PC: variants seen among roughly 807,000 people sequenced by gnomAD.
The protein encoded by PC is pyruvate carboxylase, mitochondrial.
A neutral mutation model predicts 107.8 loss-of-function variants in PC; 46 were observed. The observed-to-expected ratio is 0.43, with a 90% CI of 0.34 to 0.55. The LOEUF is 0.55. PC is among the 20% of genes least tolerant of loss of function. PC has a pLI of 0.04. For synonymous variants in PC, 662 were observed against 684.7 expected (o/e 0.97, Z 0.52); for missense variants, 1,241 against 1,643.1 (o/e 0.76, Z 4.23).
Position 66,858,137 on chromosome 11 carries a change from G to A in PC, c.1369-4754C>T. Reference sequence around the variant, plus strand: ...AGCACCTCATCCTCAGCGGCAACCAGCTGGGCCGCATCGCGCCGGGAGCCT... The same window carrying A: ...AGCACCTCATCCTCAGCGGCAACCAACTGGGCCGCATCGCGCCGGGAGCCT... On this transcript the variant is annotated intron_variant, in intron 12 of 22. Coordinates refer to ENST00000393960, the MANE Select transcript of PC (RefSeq NM_001040716.2). This position sits in a 1 kb window ranked among gnomAD's most constrained non-coding sequence, Gnocchi z 5.9. The A allele has an allele frequency of 6.2e-7, 1 of 1,610,646 alleles. No homozygotes were observed. The highest frequency in any genetic ancestry group is 8.5e-7 in the Non-Finnish European group (1 of 1,178,840).
At position 66,849,761 on chromosome 11, in the gene PC, C is replaced by T. The variant is rs1945359016; in HGVS notation, c.2997G>A (p.Gly999=). The T allele has an allele frequency of 6.2e-7, 1 of 1,614,064 alleles. No individual in the cohort carries two copies. Among genetic ancestry groups the T allele is most frequent in the Admixed American group, 1.7e-5 (1 of 60,016 alleles). Residue 999 remains glycine (G), a synonymous_variant, in exon 21 of 23, where the codon GGG becomes GGA. Transcript: ENST00000393960. ...GCACATCTTCCGGCGTCACCTCCTCCCCATGCCGGTCTACCAGCTCCTTCT... is the reference window on the plus strand; with the variant it reads ...GCACATCTTCCGGCGTCACCTCCTCTCCATGCCGGTCTACCAGCTCCTTCT... ...ALEKELVDRH[G]EEVTPEDVLS...
chr11:66,858,085 G>A lies in PC; in HGVS notation c.1369-4702C>T, dbSNP rs760431814. 3.7e-6 allele frequency: 6 copies of A among 1,609,178 alleles called. No individual in the cohort carries two copies. The African/African-American group carries it at 6.7e-5, about 18-fold the overall frequency. On this transcript the variant is annotated intron_variant, in intron 12 of 22. Coordinates refer to ENST00000393960, the MANE Select transcript of PC (RefSeq NM_001040716.2). The surrounding 1 kb of genome is among the most constrained non-coding windows in gnomAD (Gnocchi z 5.9). ...AACAGGCTGGTGGAGCTGGGCACCG[G>A]GAGCCTCCGGGGCCCCGTCAATCTG...
intron 3 of PC, among the ~76,000 whole-genome samples, chr11:66,939,823 A>AC (rs1949083637): frequency 6.7e-6 from 1 of 149,926 alleles, no homozygotes; most frequent in Non-Finnish European, 1.5e-5. Context: ...AAAAAAAAAA[A>AC]AAACCAAAAA....
intron 3 of PC, among the ~76,000 whole-genome samples, chr11:66,913,556 G>A (rs1318312792): frequency 2.0e-5 from 3 of 151,658 alleles, no homozygotes; most frequent in African/African-American, 7.3e-5. Context: ...CAGATACTCA[G>A]GAGGCTGAGG....
chr11:66,909,261 A>G (rs1077256), intron 3 of PC, among the ~76,000 whole-genome samples: 78,645 of 151,952 alleles, frequency 0.52, 20,677 homozygotes, highest in Non-Finnish European at 0.55. Context: ...GTGTGGGGCC[A>G]GAGCTGGAGG....
chr11:66,930,937 A>T (rs1202581730), intron 3 of PC, among the ~76,000 whole-genome samples: 2 of 152,114 alleles, frequency 1.3e-5, no homozygotes, highest in East Asian at 3.8e-4. Flanking sequence ...CGAATCACAA[A>T]TGTAATGCTG....
chr11:66,888,972 G>A (rs764330242), intron 3 of PC, among the ~76,000 whole-genome samples: 6 of 152,160 alleles, frequency 3.9e-5, no homozygotes, highest in Non-Finnish European at 5.9e-5. Context: ...TACTCAGGAC[G>A]CTGAGGCAGG....
intron 12 of PC, chr11:66,859,855 G>A (rs781702331): frequency 4.5e-6 from 7 of 1,564,332 alleles, no homozygotes; most frequent in Non-Finnish European, 6.1e-6. Flanking sequence ...GTGGCCGTGG[G>A]GGGTGTGCTG....
Position 66,863,779 on chromosome 11 carries a change from C to A in PC, c.1363G>T (p.Val455Leu). 6.2e-7 allele frequency: 1 copy of A among 1,609,422 alleles called. No individual in the cohort carries two copies. The change falls in exon 12 of 23, where the codon GTG (valine) becomes TTG (leucine). Residue 455 changes from valine to leucine, a missense_variant. Val to Leu is a conservative substitution (Grantham distance 32, BLOSUM62 1). Around this residue, in one of 2 missense-constraint regions of PC, gnomAD observed 1,143 missense variants for 1,551.9 expected, o/e 0.74. Coordinates refer to ENST00000393960, the MANE Select transcript of PC (RefSeq NM_001040716.2). The part of the protein sequence containing the change: ...RALAEFRVRG[V>L]KTNIAFLQNV... ...CGGGGGCTGCAGCCTCTCACCTTCA[C>A]ACCTCGGACGCGGAACTCCGCAAGG...
chr11:66,930,900 G>A (rs1466327403), intron 3 of PC, among the ~76,000 whole-genome samples: 1 of 152,078 alleles, frequency 6.6e-6, no homozygotes, highest in Non-Finnish European at 1.5e-5. Flanking sequence ...CAGTGAACAT[G>A]AACAGAGCCA....
At position 66,872,023 on chromosome 11, in the gene PC, CCT is replaced by C. The variant is rs1407086292; in HGVS notation, c.135_136del (p.Gly46Ter). ...CTCTCACCGGCCCCACTGGTGCTCA[CCT>C]CTGTTGGCCACCATGACTTTCTTGA... On this transcript the variant is annotated frameshift_variant and splice_region_variant, in exon 4 of 23. Coordinates refer to ENST00000393960, the MANE Select transcript of PC (RefSeq NM_001040716.2). LOFTEE classifies it high-confidence loss of function. The C allele has an allele frequency of 6.4e-7, 1 of 1,559,270 alleles. No individual in the cohort carries two copies. The highest frequency in any genetic ancestry group is 8.7e-7 in the Non-Finnish European group (1 of 1,151,466).
rs1190981880 is a variant in PC, at chr11:66,866,925, C to G, written c.1023-576G>C. On this transcript the variant is annotated intron_variant, in intron 10 of 22. Coordinates refer to ENST00000393960, the MANE Select transcript of PC (RefSeq NM_001040716.2). The surrounding 1 kb of genome is among the most constrained non-coding windows in gnomAD (Gnocchi z 5.4). ...CAGTGGGTGCTGGGTCAGGACCTGT[C>G]CTTCTGAGGCCTGTTTTCCTGCTGG... is the stretch of plus-strand genomic sequence containing the variant. Among the ~76,000 whole-genome samples, 1 of 152,140 alleles carries G rather than the reference C, an allele frequency of 6.6e-6. No individual in the cohort carries two copies. Among genetic ancestry groups the G allele is most frequent in the Non-Finnish European group, 1.5e-5 (1 of 68,018 alleles).
Position 66,866,040 on chromosome 11 carries a change from C to A in PC, c.1185+147G>T. 1 of 896,938 alleles carries A rather than the reference C, an allele frequency of 1.1e-6. No homozygotes were observed. Among genetic ancestry groups the A allele is most frequent in the Non-Finnish European group, 1.7e-6 (1 of 593,032 alleles). 55.6% of individuals were successfully genotyped at this position (896,938 alleles called of 1,614,324 possible). ...CGCCCCTCCTCTGGGCACTGCCTGCCTCCGTGTACTCTATGTCCACTTCAG... is the reference window on the plus strand; with the variant it reads ...CGCCCCTCCTCTGGGCACTGCCTGCATCCGTGTACTCTATGTCCACTTCAG... On this transcript the variant is annotated intron_variant, in intron 11 of 22. Transcript: ENST00000393960. This position sits in a 1 kb window ranked among gnomAD's most constrained non-coding sequence, Gnocchi z 5.4.
chr11:66,904,652 C>CA (rs1230234189), intron 3 of PC, among the ~76,000 whole-genome samples: 3 of 152,158 alleles, frequency 2.0e-5, no homozygotes, highest in African/African-American at 7.2e-5. Flanking sequence ...CACACACACA[C>CA]ACAAAAAGAC....
intron 3 of PC, among the ~76,000 whole-genome samples, chr11:66,945,432 G>A (rs76280286): frequency 2.1e-5 from 2 of 93,472 alleles, no homozygotes; most frequent in South Asian, 3.3e-4. Flanking sequence ...GGGGCGGGTC[G>A]GAACTGCAGA....
intron 12 of PC, chr11:66,856,895 G>T (rs1419515243): frequency 6.8e-6 from 1 of 147,696 alleles, no homozygotes; most frequent in African/African-American, 2.4e-5. Context: ...CCGGGGGACA[G>T]CGCGGAGGGC....
intron 12 of PC, among the ~76,000 whole-genome samples, chr11:66,856,082 A>G (rs1183515516): frequency 1.3e-5 from 2 of 152,160 alleles, no homozygotes; most frequent in African/African-American, 4.8e-5. Context: ...CTGGAAGGAA[A>G]CCAGGCTCGC....
intron 3 of PC, among the ~76,000 whole-genome samples, chr11:66,887,778 G>A (rs1947426241): frequency 6.6e-6 from 1 of 152,210 alleles, no homozygotes; most frequent in Non-Finnish European, 1.5e-5. Flanking sequence ...GTCCCACTCA[G>A]AAGAAAGATC....
At position 66,938,597 on chromosome 11, in the gene PC, C is replaced by T. The variant is rs538147004; in HGVS notation, c.-1+13833G>A. On this transcript the variant is annotated intron_variant, in intron 3 of 22. Coordinates refer to ENST00000393960, the MANE Select transcript of PC (RefSeq NM_001040716.2). ...AAAACATCCTATAAAGAAAAAAATA[C>T]TATATAGAAAATTTTTTAAACACAT... Among the ~76,000 whole-genome samples, 4 of 152,124 alleles carry T rather than the reference C, an allele frequency of 2.6e-5. No individual in the cohort carries two copies. In the South Asian group the frequency reaches 6.2e-4, roughly 24 times the overall value.
Sources: gnomAD v4.1 joint callset for allele counts (sites outside exome capture counted in the v4.1 genomes callset) on GRCh38, gnomAD v4.1.1 for gene constraint, gnomAD v4.1.1 regional missense constraint, Gnocchi (gnomAD v3.1) non-coding constraint, MANE v1.5 for transcripts, NCBI Gene and HGNC (gene_info 2026-07-23, HGNC 2026-07-21) for gene names.